The following CCDC192 variants were observed in gnomAD, a reference collection of about 807,000 sequenced individuals.
CCDC192 encodes coiled-coil domain containing 192, also known as coiled-coil domain-containing protein 192.
rs545870026 is a variant in CCDC192, at chr5:127,719,797, G to A, written c.114+12037G>A. 3.5e-5 allele frequency among the ~76,000 whole-genome samples: 5 copies of A among 143,546 alleles called. No homozygotes were observed. The South Asian group carries it at 1.1e-3, about 33-fold the overall frequency. The allele number at this position is 143,546 out of a possible 152,430, so 94.2% of individuals were successfully genotyped here. A position where few individuals can be genotyped will look rare whatever the true frequency, so the allele number is the denominator to read the frequency against. On this transcript the variant is annotated intron_variant, in intron 2 of 6. Transcript: ENST00000514853. ...AATCATGGTGGAAGTTGAAGAAGAA[G>A]GAGGCACGTCTCGCATGGCCAGATC...
At chr5:127,773,697 T>C (rs1381978668) in intron 3 of CCDC192, among the ~76,000 whole-genome samples, 1 of 152,248 alleles carries the variant, frequency 6.6e-6, no homozygotes, top group Admixed American at 6.5e-5. Flanking sequence ...ACATTTGGTT[T>C]CCAACTTTTA....
intron 2 of CCDC192, among the ~76,000 whole-genome samples, chr5:127,714,410 A>G (rs996228831): frequency 6.6e-6 from 1 of 152,124 alleles, no homozygotes; most frequent in African/African-American, 2.4e-5. Flanking sequence ...TTATTTTTAG[A>G]TAGAATCTCA....
chr5:127,763,929 C>G (rs1173219217), intron 3 of CCDC192, among the ~76,000 whole-genome samples: 2 of 152,258 alleles, frequency 1.3e-5, no homozygotes, highest in Admixed American at 6.5e-5. Context: ...CTCCAAAATG[C>G]ACTTCTTCTT....
chr5:127,768,063 C>T (rs1755332736), intron 3 of CCDC192, among the ~76,000 whole-genome samples: 1 of 151,948 alleles, frequency 6.6e-6, no homozygotes, highest in Non-Finnish European at 1.5e-5. Context: ...ACCAGCCTGG[C>T]CAACATGGTG....
intron 5 of CCDC192, among the ~76,000 whole-genome samples, chr5:127,802,042 G>C (rs572761678): frequency 5.8e-4 from 88 of 152,250 alleles, no homozygotes; most frequent in African/African-American, 2.0e-3. Context: ...TCCTAAGTTA[G>C]GTTTCAGTTT....
At chr5:127,875,699 C>T (rs546921741) in intron 6 of CCDC192, 38 bp downstream of exon 6, 52 of 398,418 alleles carry the variant, frequency 1.3e-4, no homozygotes, top group African/African-American at 1.0e-3. Flanking sequence ...ACTGGCCCGT[C>T]AGCTGGGTGA....
At chr5:127,715,536 A>G (rs182987599) in intron 2 of CCDC192, among the ~76,000 whole-genome samples, 1 of 152,030 alleles carries the variant, frequency 6.6e-6, no homozygotes, top group East Asian at 1.9e-4. Context: ...GCTTGGTTCT[A>G]TTTTATCAAG....
At chr5:127,850,181 GAGCCACC>G (rs1165744854) in intron 5 of CCDC192, among the ~76,000 whole-genome samples, 2 of 152,172 alleles carry the variant, frequency 1.3e-5, no homozygotes, top group African/African-American at 4.8e-5. Flanking sequence ...GGCAGGTGTA[GAGCCACC>G]AGGAACATCG....
chr5:127,838,122 G>A (rs890437130), intron 5 of CCDC192, among the ~76,000 whole-genome samples: 2 of 152,192 alleles, frequency 1.3e-5, no homozygotes, highest in Admixed American at 1.3e-4. Context: ...AAGCAATCCT[G>A]TTCAGTCTTC....
intron 6 of CCDC192, among the ~76,000 whole-genome samples, chr5:127,937,527 G>C (rs1754219564): frequency 6.6e-6 from 1 of 152,168 alleles, no homozygotes; most frequent in Non-Finnish European, 1.5e-5. Context: ...GCCAGGAAGA[G>C]AGTCCTCACC....
chr5:127,904,495 CTTTTTT>C (rs11344791), intron 6 of CCDC192, among the ~76,000 whole-genome samples: 1 of 115,854 alleles, frequency 8.6e-6, no homozygotes, highest in Non-Finnish European at 1.7e-5. Context: ...TTGGCAGAGA[CTTTTTT>C]TTTTTTTTTT....
At chr5:127,839,294 G>GC (rs1213814023) in intron 5 of CCDC192, among the ~76,000 whole-genome samples, 1 of 152,182 alleles carries the variant, frequency 6.6e-6, no homozygotes, top group East Asian at 1.9e-4. Flanking sequence ...ACATATAATA[G>GC]CAAGGGGAAA....
intron 6 of CCDC192, among the ~76,000 whole-genome samples, chr5:127,929,176 T>C (rs1753949767): frequency 6.6e-6 from 1 of 152,240 alleles, no homozygotes; most frequent in African/African-American, 2.4e-5. Context: ...TTCATCATTT[T>C]TAGTATTCAG....
intron 6 of CCDC192, among the ~76,000 whole-genome samples, chr5:127,908,873 A>G (rs1034399630): frequency 6.6e-6 from 1 of 152,200 alleles, no homozygotes; most frequent in Non-Finnish European, 1.5e-5. Flanking sequence ...AGGTTTTGAG[A>G]AGAAAAAATG....
chr5:127,898,367 C>G (rs537821285), intron 6 of CCDC192, among the ~76,000 whole-genome samples: 1 of 152,262 alleles, frequency 6.6e-6, no homozygotes, highest in South Asian at 2.1e-4. Context: ...CCTCAGCATC[C>G]GAAAGTGCTG....
At chr5:127,711,663 A>G (rs1751344768) in intron 2 of CCDC192, among the ~76,000 whole-genome samples, 1 of 151,262 alleles carries the variant, frequency 6.6e-6, no homozygotes, top group Non-Finnish European at 1.5e-5. Flanking sequence ...CAAATCGTTA[A>G]TGAATCAAGG....
At chr5:127,889,127 T>C (rs1752656688) in intron 6 of CCDC192, among the ~76,000 whole-genome samples, 1 of 152,214 alleles carries the variant, frequency 6.6e-6, no homozygotes, top group Admixed American at 6.5e-5. Context: ...TAAATGCTCA[T>C]GGGAATGGAA....
At chr5:127,741,928 G>A (rs983191586) in intron 2 of CCDC192, among the ~76,000 whole-genome samples, 2 of 152,164 alleles carry the variant, frequency 1.3e-5, no homozygotes, top group African/African-American at 2.4e-5. Flanking sequence ...AAAGCACAAA[G>A]CAGTATATTA....
chr5:127,905,980 C>G (rs538600845), intron 6 of CCDC192, among the ~76,000 whole-genome samples: 1 of 152,250 alleles, frequency 6.6e-6, no homozygotes, highest in African/African-American at 2.4e-5. Context: ...TTTGCCTGAT[C>G]AAAAATCACT....
Sources: gnomAD v4.1 joint callset for allele counts (sites outside exome capture counted in the v4.1 genomes callset) on GRCh38, gnomAD v4.1.1 for gene constraint, MANE v1.5 for transcripts, NCBI Gene and HGNC (gene_info 2026-07-23, HGNC 2026-07-21) for gene names.